The following USP11 variants were observed in gnomAD, a reference collection of about 807,000 sequenced individuals.
USP11 encodes the protein ubiquitin carboxyl-terminal hydrolase 11.
Under a neutral mutation model 72.8 loss-of-function variants are expected in USP11, and 5 were observed. The ratio of observed to expected loss-of-function variants is 0.07; its 90% CI spans 0.04 to 0.14. The LOEUF is 0.14. USP11 is among the 10% of genes least tolerant of loss of function. USP11 has a pLI of 1.00. For synonymous variants in USP11, 368 were observed against 326.5 expected, an observed-to-expected ratio of 1.13 and a Z score of -1.37; for missense variants, 480 against 794.7, an observed-to-expected ratio of 0.60 and a Z score of 4.76.
chrX:47,236,104 C>G (rs191344247), intron 1 of USP11, among the ~76,000 whole-genome samples: 1 of 111,973 alleles, frequency 8.9e-6, no homozygotes, highest in African/African-American at 3.2e-5. Flanking sequence ...TGTGAATGTT[C>G]TAAATGCCGC....
At chrX:47,239,732 G>A in intron 3 of USP11, 58 bp from the exon 4 acceptor site, 3 of 1,120,143 alleles carry the variant, frequency 2.7e-6, no homozygotes, top group Non-Finnish European at 3.7e-6. Context: ...TCATTTGAGA[G>A]GTCACAGCGC....
chrX:47,242,412 C>G (rs753244791), intron 10 of USP11, 27 bp from the exon 11 acceptor site: 1 of 1,211,176 alleles, frequency 8.3e-7, no homozygotes. Flanking sequence ...CCCTTTTGGT[C>G]TTTTGTGGAT....
chrX:47,247,271 G>C, intron 18 of USP11, 33 bp from the exon 19 acceptor site: 1 of 1,211,411 alleles, frequency 8.3e-7, no homozygotes, highest in Non-Finnish European at 1.1e-6. Flanking sequence ...AAAGGAGGGG[G>C]TGTACCAGTA....
At chrX:47,245,149 C>T in intron 16 of USP11, 63 bp downstream of exon 16, 2 of 1,137,289 alleles carry the variant, frequency 1.8e-6, no homozygotes, top group Non-Finnish European at 1.2e-6. Flanking sequence ...TTCGTACATC[C>T]TCCCCACAAC....
In USP11 at chrX:47,241,019, C is replaced by T. The variant is rs1280837501; in HGVS notation, c.846+143C>T. ...GAGGCCCCACAAGTCTGAAGTGGCA[C>T]GCCCACGTTCATTCCTGAACTATCA... On this transcript the variant is annotated intron_variant, in intron 7 of 20. Transcript: ENST00000377107. 3.9e-5 allele frequency: 24 copies of T among 614,467 alleles called. No individual in the cohort carries two copies. The East Asian group carries it at 7.5e-4, about 19-fold the overall frequency. The allele number at this position is 614,467 out of a possible 1,213,427, so 50.6% of individuals were successfully genotyped here.
At chrX:47,236,465 G>T (rs1251738826) in intron 1 of USP11, among the ~76,000 whole-genome samples, 1 of 112,217 alleles carries the variant, frequency 8.9e-6, no homozygotes, top group Non-Finnish European at 1.9e-5. Context: ...GCAGATTTGG[G>T]TGAGGGTAGT....
At chrX:47,238,514 GTA>G (rs2055386453) in intron 1 of USP11, among the ~76,000 whole-genome samples, 1 of 37,261 alleles carries the variant, frequency 2.7e-5, no homozygotes, top group Admixed American at 2.9e-4. Context: ...TTTTTTTTCA[GTA>G]TGCAGTTTTT....
chrX:47,239,911 A>G lies in USP11; in HGVS notation c.535+4A>G, dbSNP rs1234202315. The G allele has an allele frequency of 8.3e-7, 1 of 1,202,526 alleles. No homozygotes were observed. Among genetic ancestry groups the G allele is most frequent in the Admixed American group, 2.2e-5 (1 of 45,937 alleles). On this transcript the variant is annotated splice_donor_region_variant and intron_variant, in intron 4 of 20. Coordinates refer to ENST00000377107, the MANE Select transcript of USP11 (RefSeq NM_001371072.1). The stretch of plus-strand genomic sequence containing the variant: ...TTCAGCCATACCGATTCTATTGGTG[A>G]GTCTAAGGGTCACGCAATGGGTTGG...
At chrX:47,233,544 C>T (rs2055356321) in intron 1 of USP11, 5 of 899,945 alleles carry the variant, frequency 5.6e-6, no homozygotes, top group Non-Finnish European at 6.8e-6. Flanking sequence ...GTGGGTTCTG[C>T]TACATAAGGC....
chrX:47,240,731 C>G, intron 6 of USP11, 43 bp from the exon 7 acceptor site: 1 of 1,205,062 alleles, frequency 8.3e-7, no homozygotes, highest in East Asian at 3.0e-5. Context: ...ATTGCACCCC[C>G]ATGCAGCAGG....
intron 16 of USP11, 113 bp downstream of exon 16, chrX:47,245,199 C>T: frequency 9.6e-7 from 1 of 1,044,596 alleles, no homozygotes; most frequent in South Asian, 2.1e-5. Context: ...CCAGGTCAAG[C>T]TTGGCCTTGG....
At position 47,241,387 on chromosome X, in the gene USP11, T is replaced by C. The variant is rs953066268; in HGVS notation, c.957T>C (p.Tyr319=). ...LGMKGEIAEA[Y]ADLVKQAWSG... ...TGAAGGGTGAGATCGCAGAGGCCTA[T>C]GCAGACCTGGTGAAGCAGGCGTGGT... Residue 319 remains tyrosine (Y), a synonymous_variant, in exon 8 of 21, where the codon TAT becomes TAC. Coordinates refer to ENST00000377107, the MANE Select transcript of USP11 (RefSeq NM_001371072.1). 1.7e-6 allele frequency: 2 copies of C among 1,209,626 alleles called. No individual in the cohort carries two copies. The highest frequency in any genetic ancestry group is 3.5e-5 in the African/African-American group (2 of 57,107).
At chrX:47,240,677 C>CG (rs990016590) in intron 6 of USP11, 29 bp downstream of exon 6, 4 of 1,210,005 alleles carry the variant, frequency 3.3e-6, no homozygotes, top group Non-Finnish European at 4.5e-6. Flanking sequence ...TGGTCCAGAG[C>CG]GGGGGCGTCC....
intron 16 of USP11, 28 bp downstream of exon 16, chrX:47,245,114 A>G: frequency 8.3e-7 from 1 of 1,199,940 alleles, no homozygotes; most frequent in Non-Finnish European, 1.1e-6. Flanking sequence ...GATGGGGGGT[A>G]CTTCCAGCTC....
Position 47,248,105 on chromosome X carries a change from G to C in USP11, c.*175G>C. 1 of 731,990 alleles carries C rather than the reference G, an allele frequency of 1.4e-6. No homozygotes were observed. 60.3% of individuals were successfully genotyped at this position (731,990 alleles called of 1,213,427 possible). A position where few individuals can be genotyped will look rare whatever the true frequency, so the allele number is the denominator to read the frequency against. On this transcript the variant is annotated 3_prime_UTR_variant, in exon 21 of 21. Coordinates refer to ENST00000377107, the MANE Select transcript of USP11 (RefSeq NM_001371072.1). ...ATCGCTCTCTCCCGGGAAAGAACAG[G>C]TCGTGTCTCCTCCTAGCAGTGCGCG... is the stretch of plus-strand genomic sequence containing the variant.
intron 19 of USP11, 87 bp from the exon 20 acceptor site, chrX:47,247,524 A>G: frequency 8.6e-7 from 1 of 1,157,123 alleles, no homozygotes; most frequent in East Asian, 3.0e-5. Context: ...TGGTGAGGTT[A>G]TCGTGGTGGG....
At chrX:47,235,179 T>C (rs2055366007) in intron 1 of USP11, among the ~76,000 whole-genome samples, 1 of 112,330 alleles carries the variant, frequency 8.9e-6, no homozygotes, top group African/African-American at 3.2e-5. Flanking sequence ...AACAGTCTCT[T>C]CCTTTTCTTT....
At chrX:47,243,623 G>A in intron 13 of USP11, 21 bp downstream of exon 13, 1 of 1,205,352 alleles carries the variant, frequency 8.3e-7, no homozygotes, top group Admixed American at 2.2e-5. Flanking sequence ...TCTTCCCCGG[G>A]GGTGGGGGGC....
chrX:47,233,754 T>A, intron 1 of USP11: 4 of 74,796 alleles, frequency 5.3e-5, no homozygotes, highest in Non-Finnish European at 1.3e-4. Context: ...GTTAGGTTGG[T>A]GACGTGAGCT....
Sources: gnomAD v4.1 joint callset for allele counts (sites outside exome capture counted in the v4.1 genomes callset) on GRCh38, gnomAD v4.1.1 for gene constraint, MANE v1.5 for transcripts, NCBI Gene and HGNC (gene_info 2026-07-23, HGNC 2026-07-21) for gene names.